CCDC73: variants seen among roughly 807,000 people sequenced by gnomAD.
The protein encoded by CCDC73 is coiled-coil domain containing 73, also known as coiled-coil domain-containing protein 73.
A neutral mutation model predicts 116.5 loss-of-function variants in CCDC73; 95 were observed. The observed-to-expected ratio is 0.82, with a 90% CI of 0.69 to 0.97. The LOEUF (loss-of-function observed/expected upper bound fraction) is 0.97, where lower values mean the gene tolerates loss of function less well. CCDC73 is among the 50% of genes least tolerant of loss of function. CCDC73 has a pLI of 0.00. For missense variants in CCDC73, 1,066 were observed against 1,206.8 expected (o/e 0.88, Z 1.73); for synonymous variants, 398 against 401.3 (o/e 0.99, Z 0.10).
chr11:32,607,518 G>C (rs1855370327), intron 17 of CCDC73, among the ~76,000 whole-genome samples: 1 of 152,208 alleles, frequency 6.6e-6, no homozygotes, highest in Non-Finnish European at 1.5e-5. Context: ...TCCACTGTTT[G>C]AAAGTAGAAC....
chr11:32,646,562 G>A lies in CCDC73; in HGVS notation c.940-4480C>T, dbSNP rs188424162. On this transcript the variant is annotated intron_variant, in intron 12 of 17. Coordinates refer to ENST00000335185, the MANE Select transcript of CCDC73 (RefSeq NM_001008391.4). ...GTTCTATTGTCTTCTACGTTCCAGT[G>A]TTGCCACTGAGAAGTCTGAAACCTT... Among the ~76,000 whole-genome samples, 262 of 152,238 alleles carry A rather than the reference G, an allele frequency of 1.7e-3. 1 individual carries two copies. The highest frequency in any genetic ancestry group is 1.8e-4 in the Non-Finnish European group (12 of 68,006).
the CCDC73 span, chr11:32,830,584 C>T: frequency 1.9e-6 from 3 of 1,612,316 alleles, no homozygotes; most frequent in Non-Finnish European, 1.7e-6. Flanking sequence ...CCTGGGGTTT[C>T]CTCATTGCGC....
chr11:32,771,134 T>A (rs1047219511), intron 1 of CCDC73, among the ~76,000 whole-genome samples: 3 of 152,188 alleles, frequency 2.0e-5, no homozygotes, highest in African/African-American at 7.2e-5. Context: ...TTGTTTGGTT[T>A]CAGTTTTTTA....
At chr11:32,716,818 C>A (rs1372119437) in intron 3 of CCDC73, among the ~76,000 whole-genome samples, 1 of 152,202 alleles carries the variant, frequency 6.6e-6, no homozygotes, top group Non-Finnish European at 1.5e-5. Flanking sequence ...CTGCCTTGGC[C>A]TACCAAAGTG....
At chr11:32,804,061 C>T in the CCDC73 span, among the ~76,000 whole-genome samples, 1 of 152,066 alleles carries the variant, frequency 6.6e-6, no homozygotes, top group African/African-American at 2.4e-5. Flanking sequence ...CCACCCACCT[C>T]GGCCTCCCAA....
At chr11:32,731,455 G>C (rs1850077344) in intron 2 of CCDC73, among the ~76,000 whole-genome samples, 1 of 152,192 alleles carries the variant, frequency 6.6e-6, no homozygotes, top group Non-Finnish European at 1.5e-5. Context: ...TTTGAGAATG[G>C]ACAGACTGCA....
intron 16 of CCDC73, 50 bp from the exon 17 acceptor site, chr11:32,611,315 CATTTT>C (rs766438298): frequency 6.6e-7 from 1 of 1,514,118 alleles, no homozygotes; most frequent in African/African-American, 1.4e-5. Context: ...TCTAGGTACT[CATTTT>C]AGTGACTGAA....
intron 14 of CCDC73, among the ~76,000 whole-genome samples, chr11:32,620,827 G>T (rs764814873): frequency 2.0e-4 from 30 of 152,036 alleles, no homozygotes; most frequent in Middle Eastern, 3.4e-3. Context: ...TAACAAAAAT[G>T]CCATAAAGAC....
chr11:32,637,996 C>G (rs146849658), intron 13 of CCDC73, among the ~76,000 whole-genome samples: 2 of 152,324 alleles, frequency 1.3e-5, no homozygotes, highest in East Asian at 3.9e-4. Context: ...CTTTCACATT[C>G]CTTAAGCTAG....
chr11:32,734,777 AC>A (rs2133349646), intron 2 of CCDC73, among the ~76,000 whole-genome samples: 1 of 152,346 alleles, frequency 6.6e-6, no homozygotes, highest in Admixed American at 6.5e-5. Flanking sequence ...TCAATAAAAT[AC>A]TGGCAAACCG....
intron 6 of CCDC73, among the ~76,000 whole-genome samples, chr11:32,696,158 A>G (rs1222591768): frequency 6.6e-6 from 1 of 152,126 alleles, no homozygotes; most frequent in African/African-American, 2.4e-5. Context: ...TTGCTACATC[A>G]TTATTTTTGT....
intron 6 of CCDC73, among the ~76,000 whole-genome samples, chr11:32,695,242 G>A (rs899579492): frequency 1.2e-4 from 18 of 151,884 alleles, no homozygotes; most frequent in African/African-American, 3.6e-4. Context: ...GGTGGCATGC[G>A]CCTGTAATCC....
At chr11:32,639,519 G>A (rs1404255602) in intron 13 of CCDC73, among the ~76,000 whole-genome samples, 3 of 151,144 alleles carry the variant, frequency 2.0e-5, no homozygotes, top group Non-Finnish European at 4.4e-5. Flanking sequence ...GTGCGATCTC[G>A]GCTCACTGCA....
rs746504322 is a variant in CCDC73 at position 32,613,585 on chromosome 11, T to C, written c.2733A>G (p.Ser911=). Residue 911 remains serine (S), a synonymous_variant, in exon 16 of 18, where the codon TCA becomes TCG. Transcript: ENST00000335185. The stretch of plus-strand genomic sequence containing the variant: ...TTTGACTTTCAATGTGATTTACTTT[T>C]GACCAAGGACCGGGGTCTGAAAAAT... The part of the protein sequence containing the change: ...YMNFSDPGPW[S]KVNHIESQTA... 2 of 1,614,158 alleles carry C rather than the reference T, an allele frequency of 1.2e-6. No homozygotes were observed. The highest frequency in any genetic ancestry group is 1.7e-6 in the Non-Finnish European group (2 of 1,180,008).
chr11:32,823,028 G>C, the CCDC73 span, among the ~76,000 whole-genome samples: 1 of 152,140 alleles, frequency 6.6e-6, no homozygotes, highest in East Asian at 1.9e-4. Flanking sequence ...AGCACTTTGG[G>C]AGGCTGAGGT....
intron 2 of CCDC73, among the ~76,000 whole-genome samples, chr11:32,757,558 G>T (rs1241209641): frequency 6.6e-6 from 1 of 152,152 alleles, no homozygotes; most frequent in East Asian, 1.9e-4. Flanking sequence ...TTCTGTTGCA[G>T]TTCTGGAGGT....
intron 16 of CCDC73, 78 bp from the exon 17 acceptor site, chr11:32,611,343 C>A (rs1855420975): frequency 8.0e-7 from 1 of 1,255,702 alleles, no homozygotes; most frequent in African/African-American, 1.5e-5. Flanking sequence ...TGTTTCTGAT[C>A]CTATGCTTTT....
intron 3 of CCDC73, among the ~76,000 whole-genome samples, chr11:32,713,148 T>G (rs569189269): frequency 1.3e-5 from 2 of 152,236 alleles, no homozygotes; most frequent in African/African-American, 4.8e-5. Flanking sequence ...TAATCTTGTT[T>G]GTTGATAGGT....
At chr11:32,603,078 T>C in intron 17 of CCDC73, 58 bp from the exon 18 acceptor site, 1 of 1,369,918 alleles carries the variant, frequency 7.3e-7, no homozygotes, top group South Asian at 1.3e-5. Flanking sequence ...TTTTAAAGAG[T>C]CTGTAAAGCC....
Sources: allele counts gnomAD v4.1 joint callset (sites outside exome capture counted in the v4.1 genomes callset), GRCh38; gene constraint gnomAD v4.1.1; transcripts MANE v1.5; gene names NCBI Gene and HGNC (gene_info 2026-07-23, HGNC 2026-07-21).